The following MAP4K5 variants were observed in gnomAD, a reference collection of about 807,000 sequenced individuals.
MAP4K5 encodes MAPK/ERK kinase kinase kinase 5.
In MAP4K5, 82 loss-of-function variants were observed where a neutral mutation model predicts 135.6. That is an observed-to-expected ratio of 0.60 (90% CI 0.51 to 0.73). MAP4K5 has a LOEUF of 0.73. MAP4K5 is among the 30% of genes least tolerant of loss of function. The probability of loss-of-function intolerance (pLI) is 0.00; values close to 1 mark genes in which losing one functional copy is unlikely to be tolerated. For synonymous variants in MAP4K5, 347 were observed against 335.0 expected (o/e 1.04, Z -0.39); for missense variants, 907 against 1,010.9 (o/e 0.90, Z 1.39).
chr14:50,489,218 T>G (rs2037431299), intron 3 of MAP4K5, among the ~76,000 whole-genome samples: 1 of 152,130 alleles, frequency 6.6e-6, no homozygotes, highest in Non-Finnish European at 1.5e-5. Flanking sequence ...CATGGTGGCA[T>G]GCACCTGTAG....
chr14:50,467,261 T>C (rs928589399), intron 10 of MAP4K5, among the ~76,000 whole-genome samples: 1 of 152,084 alleles, frequency 6.6e-6, no homozygotes, highest in Admixed American at 6.5e-5. Flanking sequence ...ATTTCAGCAT[T>C]TCCTACAAAA....
At chr14:50,423,990 G>T (rs1284470713) in intron 31 of MAP4K5, among the ~76,000 whole-genome samples, 1 of 152,030 alleles carries the variant, frequency 6.6e-6, no homozygotes, top group African/African-American at 2.4e-5. Context: ...GCTCTTAGTG[G>T]GAACTAGCTT....
intron 9 of MAP4K5, among the ~76,000 whole-genome samples, chr14:50,470,922 A>G (rs182122794): frequency 6.6e-6 from 1 of 152,328 alleles, no homozygotes; most frequent in African/African-American, 2.4e-5. Flanking sequence ...TACTGAGAAT[A>G]AAGAAGATAA....
chr14:50,503,893 T>G (rs895877204), intron 3 of MAP4K5, among the ~76,000 whole-genome samples: 2 of 152,086 alleles, frequency 1.3e-5, no homozygotes, highest in Non-Finnish European at 2.9e-5. Flanking sequence ...TTCTGTTATA[T>G]TCCCTATTTG....
chr14:50,452,769 A>C (rs1263666458), intron 14 of MAP4K5, among the ~76,000 whole-genome samples: 1 of 152,202 alleles, frequency 6.6e-6, no homozygotes, highest in Non-Finnish European at 1.5e-5. Flanking sequence ...AGACTGTCCC[A>C]GCAGGACACC....
intron 3 of MAP4K5, among the ~76,000 whole-genome samples, chr14:50,499,583 G>A (rs560789211): frequency 2.0e-5 from 3 of 151,966 alleles, no homozygotes; most frequent in South Asian, 2.1e-4. Flanking sequence ...ACTTGAACCC[G>A]GTTGGCAAAG....
intron 27 of MAP4K5, 105 bp downstream of exon 27, chr14:50,434,857 T>C: frequency 1.5e-6 from 1 of 684,096 alleles, no homozygotes; most frequent in South Asian, 2.2e-5. Flanking sequence ...CAAATAACTA[T>C]AAATGTTCTG....
At chr14:50,448,172 G>A (rs954257406) in intron 15 of MAP4K5, among the ~76,000 whole-genome samples, 3 of 151,936 alleles carry the variant, frequency 2.0e-5, no homozygotes, top group Admixed American at 2.0e-4. Context: ...ATGCCACCAC[G>A]CCTGGCTGAT....
chr14:50,434,320 C>G, intron 28 of MAP4K5, 74 bp downstream of exon 28: 1 of 1,194,386 alleles, frequency 8.4e-7, no homozygotes, highest in Middle Eastern at 2.0e-4. Flanking sequence ...TGTTTTGCTT[C>G]TTTTATAGGT....
At chr14:50,497,335 G>T (rs985034154) in intron 3 of MAP4K5, among the ~76,000 whole-genome samples, 1 of 152,110 alleles carries the variant, frequency 6.6e-6, no homozygotes, top group Non-Finnish European at 1.5e-5. Context: ...GACATTTGGG[G>T]CATGTATTTG....
At chr14:50,505,131 T>G (rs1002592378) in intron 2 of MAP4K5, 2 of 285,210 alleles carry the variant, frequency 7.0e-6, no homozygotes, top group Non-Finnish European at 1.3e-5. Flanking sequence ...TTCTTCAGCC[T>G]CGGGTTAGTT....
At chr14:50,435,175 G>C in intron 26 of MAP4K5, 110 bp from the exon 27 acceptor site, 2 of 511,922 alleles carry the variant, frequency 3.9e-6, no homozygotes, top group Non-Finnish European at 6.8e-6. Context: ...AAAAAAGACT[G>C]TGTCTTTTCT....
At chr14:50,458,706 C>G (rs1387618304) in intron 13 of MAP4K5, among the ~76,000 whole-genome samples, 2 of 152,196 alleles carry the variant, frequency 1.3e-5, no homozygotes, top group Non-Finnish European at 1.5e-5. Flanking sequence ...GCTCTCTTCT[C>G]ATTCTACATG....
intron 3 of MAP4K5, among the ~76,000 whole-genome samples, chr14:50,488,154 AG>A (rs1416428722): frequency 1.3e-5 from 2 of 152,170 alleles, no homozygotes; most frequent in Non-Finnish European, 2.9e-5. Flanking sequence ...AAGGGGAAGC[AG>A]GCAAGTCTGA....
At position 50,504,834 on chromosome 14, in the gene MAP4K5, C is replaced by T. The variant is rs1236013613; in HGVS notation, c.132G>A (p.Glu44=). Residue 44 remains glutamate (E), a synonymous_variant, in exon 3 of 33, where the codon GAG becomes GAA. Transcript: ENST00000682126. Reference sequence around the variant, plus strand: ...ATTTAATGATTTTTACTGCAGCCAGCTCTCCTGTGTGTACATTTCTGGCCT... The same window carrying T: ...ATTTAATGATTTTTACTGCAGCCAGTTCTCCTGTGTGTACATTTCTGGCCT... ...VYKARNVHTG[E]LAAVKIIKLE... is the part of the protein sequence containing the mutation. 3 of 1,556,854 alleles carry T rather than the reference C, an allele frequency of 1.9e-6. No individual in the cohort carries two copies. Among genetic ancestry groups the T allele is most frequent in the Non-Finnish European group, 1.7e-6 (2 of 1,150,218 alleles).
intron 32 of MAP4K5, among the ~76,000 whole-genome samples, chr14:50,420,474 A>T (rs1048235835): frequency 2.0e-5 from 3 of 151,832 alleles, no homozygotes; most frequent in African/African-American, 7.3e-5. Flanking sequence ...CTACAAAAAA[A>T]AATAATAATT....
intron 28 of MAP4K5, among the ~76,000 whole-genome samples, chr14:50,433,443 C>T (rs2036019906): frequency 6.6e-6 from 1 of 152,106 alleles, no homozygotes; most frequent in Non-Finnish European, 1.5e-5. Flanking sequence ...AGTATTTGTA[C>T]CACAAAAATA....
intron 10 of MAP4K5, among the ~76,000 whole-genome samples, chr14:50,467,691 C>T (rs1414276984): frequency 6.6e-6 from 1 of 152,040 alleles, no homozygotes; most frequent in Non-Finnish European, 1.5e-5. Context: ...ACGGTGGAAG[C>T]ACTGAAACAT....
intron 1 of MAP4K5, among the ~76,000 whole-genome samples, chr14:50,546,180 A>G (rs1244493929): frequency 6.6e-6 from 1 of 152,250 alleles, no homozygotes; most frequent in African/African-American, 2.4e-5. Flanking sequence ...TCAAACTGCT[A>G]TGAAAACTAC....
Sources: allele counts gnomAD v4.1 joint callset (sites outside exome capture counted in the v4.1 genomes callset), GRCh38; gene constraint gnomAD v4.1.1; transcripts MANE v1.5; gene names NCBI Gene and HGNC (gene_info 2026-07-23, HGNC 2026-07-21).